The following AOAH variants were observed in gnomAD, a reference collection of about 807,000 sequenced individuals.
AOAH encodes acyloxyacyl hydrolase (neutrophil).
AOAH carries 64 observed loss-of-function variants against 92.2 expected under a neutral mutation model. The observed-to-expected ratio is 0.69, with a 90% CI of 0.57 to 0.86. AOAH has a LOEUF of 0.86. AOAH is among the 40% of genes least tolerant of loss of function. The probability of loss-of-function intolerance (pLI) is 0.00; values close to 1 mark genes in which losing one functional copy is unlikely to be tolerated. For missense variants in AOAH, 656 were observed against 694.6 expected (o/e 0.94, Z 0.62); for synonymous variants, 263 against 254.5 (o/e 1.03, Z -0.32).
At chr7:36,610,276 T>G (rs1011683740) in intron 11 of AOAH, among the ~76,000 whole-genome samples, 1 of 150,418 alleles carries the variant, frequency 6.6e-6, no homozygotes, top group Non-Finnish European at 1.5e-5. Flanking sequence ...ATATAATGAG[T>G]ATAAAAACAA....
intron 12 of AOAH, among the ~76,000 whole-genome samples, chr7:36,587,087 T>C (rs56965813): frequency 0.24 from 36,414 of 151,290 alleles, 5,419 homozygotes; most frequent in African/African-American, 0.41. Context: ...GCCTGGGCAA[T>C]ATGGTGAAAC....
At chr7:36,678,021 A>G (rs1169974035) in intron 2 of AOAH, among the ~76,000 whole-genome samples, 1 of 152,202 alleles carries the variant, frequency 6.6e-6, no homozygotes, top group Admixed American at 6.5e-5. Flanking sequence ...TCTAAAATTG[A>G]TTGTGGTGAC....
intron 13 of AOAH, among the ~76,000 whole-genome samples, chr7:36,567,721 G>C (rs1043945784): frequency 6.6e-6 from 1 of 152,174 alleles, no homozygotes; most frequent in East Asian, 1.9e-4. Context: ...AGTAAGGCCC[G>C]AATAGTGGTG....
intron 3 of AOAH, among the ~76,000 whole-genome samples, chr7:36,671,524 C>T (rs1387924541): frequency 6.6e-6 from 1 of 152,144 alleles, no homozygotes; most frequent in Non-Finnish European, 1.5e-5. Flanking sequence ...ATGCTACGGG[C>T]TTGCACAGGG....
At chr7:36,683,562 T>C (rs188295116) in intron 2 of AOAH, among the ~76,000 whole-genome samples, 6 of 152,288 alleles carry the variant, frequency 3.9e-5, no homozygotes, top group Admixed American at 3.9e-4. Context: ...AGAATTGATA[T>C]TCTGAGACTG....
intron 15 of AOAH, among the ~76,000 whole-genome samples, chr7:36,546,231 A>C (rs908559821): frequency 2.3e-4 from 35 of 152,254 alleles, no homozygotes; most frequent in African/African-American, 8.2e-4. Context: ...GCATTGTCAT[A>C]GAAAAAGAAA....
intron 13 of AOAH, among the ~76,000 whole-genome samples, chr7:36,549,821 A>G (rs1392832328): frequency 6.6e-6 from 1 of 152,208 alleles, no homozygotes; most frequent in South Asian, 2.1e-4. Flanking sequence ...AAACTACCGA[A>G]AATATTCAAG....
chr7:36,598,414 T>C (rs1402935145), intron 11 of AOAH: 1 of 152,232 alleles, frequency 6.6e-6, no homozygotes, highest in African/African-American at 2.4e-5. Flanking sequence ...AAGCCAAGGC[T>C]TTACTGTTAT....
At chr7:36,537,128 A>G (rs957201069) in intron 16 of AOAH, among the ~76,000 whole-genome samples, 1 of 152,096 alleles carries the variant, frequency 6.6e-6, no homozygotes, top group African/African-American at 2.4e-5. Flanking sequence ...TGAGAAATGT[A>G]TAATTTATTT....
At chr7:36,597,806 T>C (rs76747084) in intron 11 of AOAH, 7,189 of 152,234 alleles carry the variant, frequency 0.047, 253 homozygotes, top group South Asian at 0.091. Context: ...GAGGGGTAAA[T>C]AATTCTGAAG....
chr7:36,611,298 G>A (rs1298958784), intron 11 of AOAH, among the ~76,000 whole-genome samples: 3 of 152,116 alleles, frequency 2.0e-5, no homozygotes, highest in African/African-American at 7.2e-5. Flanking sequence ...ATCTTGATAA[G>A]ACTCGTGAAT....
At chr7:36,656,769 G>T (rs1356393877) in intron 4 of AOAH, among the ~76,000 whole-genome samples, 2 of 149,154 alleles carry the variant, frequency 1.3e-5, no homozygotes, top group Non-Finnish European at 3.0e-5. Flanking sequence ...TTGCTTTATT[G>T]CTGCAAGGCC....
At chr7:36,586,951 C>T (rs552793915) in intron 12 of AOAH, among the ~76,000 whole-genome samples, 5 of 152,000 alleles carry the variant, frequency 3.3e-5, no homozygotes, top group South Asian at 2.1e-4. Context: ...CAGTCTGTTA[C>T]GATGTTTTGG....
At chr7:36,579,080 T>TA (rs1788730809) in intron 12 of AOAH, among the ~76,000 whole-genome samples, 1 of 152,270 alleles carries the variant, frequency 6.6e-6, no homozygotes, top group African/African-American at 2.4e-5. Flanking sequence ...CTGAGGACAG[T>TA]ACCAACAGGG....
chr7:36,594,634 C>A (rs1789981760), intron 11 of AOAH: 1 of 639,184 alleles, frequency 1.6e-6, no homozygotes, highest in Non-Finnish European at 2.8e-6. Flanking sequence ...CCACCCTTGA[C>A]CTGGCTTCCG....
At chr7:36,669,582 C>T (rs1484860675) in intron 3 of AOAH, among the ~76,000 whole-genome samples, 1 of 151,910 alleles carries the variant, frequency 6.6e-6, no homozygotes, top group African/African-American at 2.4e-5. Flanking sequence ...GGGGTTTCAC[C>T]ATGTTGGTTA....
At chr7:36,562,868 G>A (rs1459017989) in intron 13 of AOAH, among the ~76,000 whole-genome samples, 1 of 151,980 alleles carries the variant, frequency 6.6e-6, no homozygotes, top group African/African-American at 2.4e-5. Context: ...AAAAAGGCAG[G>A]CCAGACGCGG....
intron 11 of AOAH, among the ~76,000 whole-genome samples, chr7:36,608,313 C>A (rs1791153135): frequency 6.6e-6 from 1 of 152,204 alleles, no homozygotes; most frequent in Non-Finnish European, 1.5e-5. Context: ...CCATTCCCAG[C>A]CTCAACTCTT....
At chr7:36,555,304 C>T (rs1436899777) in intron 13 of AOAH, among the ~76,000 whole-genome samples, 2 of 152,162 alleles carry the variant, frequency 1.3e-5, no homozygotes, top group South Asian at 2.1e-4. Context: ...CTTGCGCATA[C>T]TGAACCAGCC....
Sources: gnomAD v4.1 joint callset for allele counts (sites outside exome capture counted in the v4.1 genomes callset) on GRCh38, gnomAD v4.1.1 for gene constraint, MANE v1.5 for transcripts, NCBI Gene and HGNC (gene_info 2026-07-23, HGNC 2026-07-21) for gene names.